SCAPER: variants seen among roughly 807,000 people sequenced by gnomAD.
The protein encoded by SCAPER is S-phase cyclin A associated protein in the ER.
Under a neutral mutation model 182.2 loss-of-function variants are expected in SCAPER, and 98 were observed. That is an observed-to-expected ratio of 0.54 (90% CI 0.46 to 0.64). The LOEUF is 0.64. Ranked by LOEUF, SCAPER falls within the 30% of genes least tolerant of loss-of-function variation. The pLI, the probability that SCAPER is intolerant of heterozygous loss-of-function variation, is 0.00. For synonymous variants in SCAPER, 605 were observed against 564.6 expected, an observed-to-expected ratio of 1.07 and a Z score of -1.01; for missense variants, 1,432 against 1,690.0, an observed-to-expected ratio of 0.85 and a Z score of 2.68.
intron 25 of SCAPER, among the ~76,000 whole-genome samples, chr15:76,446,352 A>C (rs144233929): frequency 6.6e-6 from 1 of 152,232 alleles, no homozygotes; most frequent in Non-Finnish European, 1.5e-5. Context: ...AGGGCACTGC[A>C]ACAAGTGATC....
At chr15:76,357,497 T>C (rs2041071365) in intron 29 of SCAPER, among the ~76,000 whole-genome samples, 1 of 152,248 alleles carries the variant, frequency 6.6e-6, no homozygotes, top group African/African-American at 2.4e-5. Flanking sequence ...AGAACGCTTA[T>C]ACGCTGTTGG....
At chr15:76,502,614 C>T (rs1011492418) in intron 24 of SCAPER, among the ~76,000 whole-genome samples, 1 of 152,074 alleles carries the variant, frequency 6.6e-6, no homozygotes, top group Non-Finnish European at 1.5e-5. Flanking sequence ...GGGGATATAC[C>T]TAATGTAAAT....
rs527320611 is a variant in SCAPER at position 76,791,685 on chromosome 15, A to T, written c.772+3595T>A. On this transcript the variant is annotated intron_variant, in intron 8 of 31. Transcript: ENST00000563290. Reference sequence around the variant, plus strand: ...AAAAACTTTGCATATACAGGGCAAGACTCCAAGAAACCTAGCAGAAAGCAG... The same window carrying T: ...AAAAACTTTGCATATACAGGGCAAGTCTCCAAGAAACCTAGCAGAAAGCAG... 2.6e-5 allele frequency among the ~76,000 whole-genome samples: 4 copies of T among 152,100 alleles called. No homozygotes were observed. In the South Asian group the frequency reaches 8.3e-4, roughly 32 times the overall value.
At chr15:76,749,969 C>T (rs1428462817) in intron 15 of SCAPER, among the ~76,000 whole-genome samples, 1 of 151,730 alleles carries the variant, frequency 6.6e-6, no homozygotes, top group Non-Finnish European at 1.5e-5. Context: ...CTTGTACTTC[C>T]TGATTTCAAT....
rs1346105231 is a variant in SCAPER, at chr15:76,859,860, A to AC, written c.125-1982dup. ...CTCCCGGGTAGCTAGGATTACAGGC[A>AC]CCCACTGCCATGCCCCGCTAATTGT... On this transcript the variant is annotated intron_variant, in intron 3 of 31. Transcript: ENST00000563290. Among the ~76,000 whole-genome samples the AC allele has an allele frequency of 1.3e-5, 2 of 151,952 alleles. 1 individual carries two copies. Among genetic ancestry groups the AC allele is most frequent in the African/African-American group, 4.8e-5 (2 of 41,370 alleles).
At chr15:76,607,272 A>C (rs1228657527) in intron 22 of SCAPER, among the ~76,000 whole-genome samples, 1 of 152,146 alleles carries the variant, frequency 6.6e-6, no homozygotes, top group Non-Finnish European at 1.5e-5. Context: ...TCCTTCACTT[A>C]TGAAGCTTAG....
In SCAPER at chr15:76,434,039, T is replaced by C. The variant is rs750263895; in HGVS notation, c.3311+39A>G. 9.8e-6 allele frequency: 15 copies of C among 1,532,750 alleles called. No individual in the cohort carries two copies. In the Admixed American group the frequency reaches 2.8e-4, roughly 29 times the overall value. 94.9% of individuals were successfully genotyped at this position (1,532,750 alleles called of 1,614,324 possible). ...TTTAAATTATTTTAATATAGTTTCT[T>C]AACAAAGAACAAAGTTTTAAGAACT... On this transcript the variant is annotated intron_variant, in intron 26 of 31. Coordinates refer to ENST00000563290, the MANE Select transcript of SCAPER (RefSeq NM_020843.4).
chr15:76,844,639 C>T (rs566831128), intron 4 of SCAPER, among the ~76,000 whole-genome samples: 1 of 152,218 alleles, frequency 6.6e-6, no homozygotes, highest in African/African-American at 2.4e-5. Flanking sequence ...TTCCAAGACA[C>T]ATACCACCTA....
chr15:76,541,747 C>A (rs1226139759), intron 23 of SCAPER, among the ~76,000 whole-genome samples: 5 of 152,176 alleles, frequency 3.3e-5, no homozygotes. Context: ...AAAAAATACT[C>A]CAATGAGGGC....
Position 76,838,891 on chromosome 15 carries a change from C to A in SCAPER, c.393+2843G>T, listed in dbSNP as rs112430275. 7.5e-3 allele frequency among the ~76,000 whole-genome samples: 1,139 copies of A among 152,262 alleles called. 16 individuals carry two copies. Among genetic ancestry groups the A allele is most frequent in the African/African-American group, 0.026 (1,085 of 41,546 alleles). On this transcript the variant is annotated intron_variant, in intron 5 of 31. Coordinates refer to ENST00000563290, the MANE Select transcript of SCAPER (RefSeq NM_020843.4). ...TCACAACCAACTCTTTCAACCCTTA[C>A]CTCAAAATTTTGTGAGAACAAATGA...
intron 26 of SCAPER, among the ~76,000 whole-genome samples, chr15:76,420,988 T>C (rs925152031): frequency 4.6e-5 from 7 of 152,244 alleles, no homozygotes; most frequent in Non-Finnish European, 7.3e-5. Context: ...CCATGGTGTA[T>C]ATGTGCCACA....
chr15:76,592,350 G>A (rs1218180842), intron 22 of SCAPER, among the ~76,000 whole-genome samples: 1 of 79,082 alleles, frequency 1.3e-5, no homozygotes, highest in African/African-American at 3.0e-5. Flanking sequence ...CAAATAAAAT[G>A]TTATTTGAAT....
At chr15:76,438,429 A>AT in intron 25 of SCAPER, among the ~76,000 whole-genome samples, 1 of 152,332 alleles carries the variant, frequency 6.6e-6, no homozygotes. Flanking sequence ...AATAAGCTCA[A>AT]TGTAAAGCAA....
chr15:76,449,435 T>C (rs1348277582), intron 25 of SCAPER, among the ~76,000 whole-genome samples: 5 of 152,238 alleles, frequency 3.3e-5, no homozygotes, highest in Admixed American at 2.6e-4. Context: ...TCAGTAAATA[T>C]TGGCTTAAGG....
intron 27 of SCAPER, among the ~76,000 whole-genome samples, chr15:76,398,628 C>T (rs573137091): frequency 1.3e-5 from 2 of 152,340 alleles, no homozygotes; most frequent in East Asian, 3.9e-4. Flanking sequence ...ACAAATCATT[C>T]TTATCTTTTC....
At chr15:76,569,609 T>G (rs1161051109) in intron 23 of SCAPER, among the ~76,000 whole-genome samples, 1 of 152,154 alleles carries the variant, frequency 6.6e-6, no homozygotes, top group Non-Finnish European at 1.5e-5. Context: ...TTTGGAAAGT[T>G]CTAAATGATT....
At chr15:76,684,640 T>C (rs895554735) in intron 20 of SCAPER, among the ~76,000 whole-genome samples, 7 of 151,964 alleles carry the variant, frequency 4.6e-5, no homozygotes, top group African/African-American at 1.7e-4. Flanking sequence ...ACAAGAATGC[T>C]ATCAATAACT....
intron 25 of SCAPER, among the ~76,000 whole-genome samples, chr15:76,436,582 G>A (rs1318943649): frequency 6.6e-6 from 1 of 151,638 alleles, no homozygotes; most frequent in East Asian, 1.9e-4. Context: ...TTTCATGGAT[G>A]CAATATCTTC....
In SCAPER at chr15:76,596,959, G is replaced by A. The variant is rs1306735227; in HGVS notation, c.2712-22675C>T. Among the ~76,000 whole-genome samples, 4 of 121,456 alleles carry A rather than the reference G, an allele frequency of 3.3e-5. 1 individual carries two copies. The highest frequency in any genetic ancestry group is 8.0e-5 in the Non-Finnish European group (4 of 50,044). 79.7% of individuals were successfully genotyped at this position (121,456 alleles called of 152,430 possible). A position where few individuals can be genotyped will look rare whatever the true frequency, so the allele number is the denominator to read the frequency against. On this transcript the variant is annotated intron_variant, in intron 22 of 31. Coordinates refer to ENST00000563290, the MANE Select transcript of SCAPER (RefSeq NM_020843.4). ...ACATAGTATTGGAAGTTCTGGCCAG[G>A]ACAATCAGGCAAGAGAAAGAAATAA... is the stretch of plus-strand genomic sequence containing the variant.
Sources: allele counts gnomAD v4.1 joint callset (sites outside exome capture counted in the v4.1 genomes callset), GRCh38; gene constraint gnomAD v4.1.1; transcripts MANE v1.5; gene names NCBI Gene and HGNC (gene_info 2026-07-23, HGNC 2026-07-21).